FBXL8: variants seen among roughly 807,000 people sequenced by gnomAD.
The protein encoded by FBXL8 is F-box and leucine rich repeat protein 8.
FBXL8 carries 13 observed loss-of-function variants against 8.2 expected under a neutral mutation model. The observed-to-expected ratio is 1.58, with a 90% CI of 1.03 to 2.51. FBXL8 has a LOEUF of 2.51. FBXL8 is among the 30% of genes most tolerant of loss of function. The probability of loss-of-function intolerance (pLI) is 0.00; values close to 1 mark genes in which losing one functional copy is unlikely to be tolerated. For synonymous variants in FBXL8, 271 were observed against 260.5 expected (o/e 1.04, Z -0.39); for missense variants, 565 against 540.4 (o/e 1.05, Z -0.45).
chr16:67,161,575 G>A (rs557338442), intron 1 of FBXL8, 160 bp from the exon 2 acceptor site: 2 of 490,478 alleles, frequency 4.1e-6, no homozygotes, highest in South Asian at 7.6e-5. Flanking sequence ...TAGGTGAGGC[G>A]GTGAAATCTG....
At position 67,163,424 on chromosome 16, in the gene FBXL8, C is replaced by A; in HGVS notation, c.729C>A (p.Val243=). The change falls in exon 3 of 3, where the codon GTC becomes GTA. Residue 243 remains valine, a synonymous_variant. Coordinates refer to ENST00000258200, the MANE Select transcript of FBXL8 (RefSeq NM_018378.3). The part of the protein sequence containing the change: ...RASPLPNEAW[V]ALRRRHPGLA... ...CCCCGCTGCCCAACGAAGCCTGGGT[C>A]GCGTTGCGCCGCCGCCACCCTGGGC... 4 of 1,536,128 alleles carry A rather than the reference C, an allele frequency of 2.6e-6. No individual in the cohort carries two copies. Among genetic ancestry groups the A allele is most frequent in the Admixed American group, 2.0e-5 (1 of 51,184 alleles).
Position 67,163,054 on chromosome 16 carries a change from G to A in FBXL8, c.359G>A (p.Gly120Asp). The A allele has an allele frequency of 6.4e-7, 1 of 1,571,884 alleles. No individual in the cohort carries two copies. Among genetic ancestry groups the A allele is most frequent in the Non-Finnish European group, 8.6e-7 (1 of 1,158,356 alleles). Reference sequence around the variant, plus strand: ...GGAGAAAAACCGCTCTTCGACGCGGGCCGCGACGTCCTGGAGGCTGTGCAC... The same window carrying A: ...GGAGAAAAACCGCTCTTCGACGCGGACCGCGACGTCCTGGAGGCTGTGCAC... ...CRGEKPLFDA[G>D]RDVLEAVHAV... is the part of the protein sequence containing the mutation. Residue 120 changes from glycine to aspartate, a missense_variant, in exon 3 of 3, where the codon GGC becomes GAC. Gly to Asp is a moderately conservative substitution (Grantham distance 94). Transcript: ENST00000258200.
intron 2 of FBXL8, 26 bp downstream of exon 2, chr16:67,161,963 TC>T (rs1237796348): frequency 6.4e-7 from 1 of 1,573,986 alleles, no homozygotes; most frequent in Non-Finnish European, 8.6e-7. Context: ...CACACTCCTC[TC>T]CCCACCGCCC....
In FBXL8 at chr16:67,163,161, C is replaced by A. The variant is rs768895990; in HGVS notation, c.466C>A (p.Gln156Lys). 6.4e-7 allele frequency: 1 copy of A among 1,564,886 alleles called. No homozygotes were observed. The highest frequency in any genetic ancestry group is 2.4e-5 in the East Asian group (1 of 42,058). The change falls in exon 3 of 3, where the codon CAG becomes AAG. Residue 156 changes from glutamine (Q) to lysine (K), a missense_variant. Transcript: ENST00000258200. ...SFTLDDALVL[Q>K]AARSCPELHS... ...CACACTGGACGACGCGCTGGTGCTG[C>A]AGGCGGCGCGCAGCTGTCCCGAGCT... is the stretch of plus-strand genomic sequence containing the variant.
In FBXL8 at chr16:67,163,056, C is replaced by T; in HGVS notation, c.361C>T (p.Arg121Cys). ...AGAAAAACCGCTCTTCGACGCGGGC[C>T]GCGACGTCCTGGAGGCTGTGCACGC... ...RGEKPLFDAG[R>C]DVLEAVHAVC... The change falls in exon 3 of 3, where the codon CGC (arginine) becomes TGC (cysteine). Residue 121 changes from arginine (R) to cysteine (C), a missense_variant. Physicochemically the swap from Arg to Cys is radical, Grantham distance 180. Transcript: ENST00000258200. 6.4e-7 allele frequency: 1 copy of T among 1,572,540 alleles called. No homozygotes were observed. Among genetic ancestry groups the T allele is most frequent in the South Asian group, 1.2e-5 (1 of 86,086 alleles).
chr16:67,162,023 T>A, intron 2 of FBXL8, 86 bp downstream of exon 2: 6 of 1,417,046 alleles, frequency 4.2e-6, no homozygotes, highest in Non-Finnish European at 5.5e-6. Context: ...TCAGGTTGAC[T>A]CCCCCATATT....
chr16:67,162,989 C>T lies in FBXL8; in HGVS notation c.294C>T (p.Gly98=). 1 of 1,557,370 alleles carries T rather than the reference C, an allele frequency of 6.4e-7. No homozygotes were observed. Among genetic ancestry groups the T allele is most frequent in the East Asian group, 2.4e-5 (1 of 41,352 alleles). The change falls in exon 3 of 3, where the codon GGC becomes GGT. Residue 98 remains glycine, a synonymous_variant. Coordinates refer to ENST00000258200, the MANE Select transcript of FBXL8 (RefSeq NM_018378.3). ...AAIELLMVLA[G]RAPGLRGLRL... is the part of the protein sequence containing the mutation. ...TCGAGCTGCTGATGGTTCTGGCGGG[C>T]CGTGCCCCGGGGCTGCGAGGCCTGC...
Position 67,163,371 on chromosome 16 carries a change from T to TGCGCGTGCCCCGAAGATGCAC in FBXL8, c.683_703dup (p.Cys228_Ala234dup). On this transcript the variant is annotated inframe_insertion, in exon 3 of 3. Coordinates refer to ENST00000258200, the MANE Select transcript of FBXL8 (RefSeq NM_018378.3). ...GCCTTTCGCGCTCTTGGCTCTGCGG[T>TGCGCGTGCCCCGAAGATGCAC]GCGCGTGCCCCGAAGATGCACGCGC... The TGCGCGTGCCCCGAAGATGCAC allele has an allele frequency of 1.9e-6, 3 of 1,545,286 alleles. No individual in the cohort carries two copies. Among genetic ancestry groups the TGCGCGTGCCCCGAAGATGCAC allele is most frequent in the Non-Finnish European group, 2.6e-6 (3 of 1,150,566 alleles).
intron 1 of FBXL8, chr16:67,160,401 C>T (rs1348848581): frequency 6.6e-6 from 1 of 152,264 alleles, no homozygotes; most frequent in East Asian, 1.9e-4. Context: ...TGTACACAAA[C>T]CTTTAAGAAC....
chr16:67,163,913 C>A lies in FBXL8; in HGVS notation c.*93C>A. ...GGCGCGCCCCGAGTGCTAGTGCCTT[C>A]TTTTGGGATTGTTGCCCCCCGGGTC... On this transcript the variant is annotated 3_prime_UTR_variant, in exon 3 of 3. Transcript: ENST00000258200. 3 of 1,514,426 alleles carry A rather than the reference C, an allele frequency of 2.0e-6. No homozygotes were observed. The highest frequency in any genetic ancestry group is 1.8e-6 in the Non-Finnish European group (2 of 1,130,158). The allele number at this position is 1,514,426 out of a possible 1,614,324, so 93.8% of individuals were successfully genotyped here.
intron 2 of FBXL8, 71 bp from the exon 3 acceptor site, chr16:67,162,777 G>T: frequency 1.9e-6 from 3 of 1,545,522 alleles, no homozygotes; most frequent in African/African-American, 1.4e-5. Context: ...CCCAGCTAAG[G>T]GGTGGGTAGA....
chr16:67,161,313 T>TG (rs1410593624), intron 1 of FBXL8: 1 of 158,680 alleles, frequency 6.3e-6, no homozygotes, highest in African/African-American at 2.4e-5. Context: ...CGTGGTGGCG[T>TG]GCCCCTGTAG....
rs372103875 is a variant in FBXL8 at position 67,161,751 on chromosome 16, G to A, written c.-35G>A. 5.8e-6 allele frequency: 9 copies of A among 1,547,486 alleles called. No individual in the cohort carries two copies. The highest frequency in any genetic ancestry group is 1.9e-4 in the Middle Eastern group (1 of 5,220). On this transcript the variant is annotated 5_prime_UTR_variant, in exon 2 of 3. The change creates a new upstream start codon in the 5' untranslated region. Coordinates refer to ENST00000258200, the MANE Select transcript of FBXL8 (RefSeq NM_018378.3). ...TCTCTCCAGGCCGGAGCTATTGGGAGTGGCGGATCCTCCCACCCCAGCCGG... is the reference window on the plus strand; with the variant it reads ...TCTCTCCAGGCCGGAGCTATTGGGAATGGCGGATCCTCCCACCCCAGCCGG...
chr16:67,162,717 C>A, intron 2 of FBXL8, 131 bp from the exon 3 acceptor site: 1 of 1,293,082 alleles, frequency 7.7e-7, no homozygotes, highest in Non-Finnish European at 1.1e-6. Flanking sequence ...CAGTCGTGGT[C>A]TGAACAGAGA....
intron 1 of FBXL8, among the ~76,000 whole-genome samples, chr16:67,160,662 G>A (rs940517338): frequency 6.6e-6 from 1 of 152,196 alleles, no homozygotes; most frequent in African/African-American, 2.4e-5. Flanking sequence ...AGTGAGCCGA[G>A]ATCTCGCCAC....
At chr16:67,160,373 G>A (rs2030858854) in intron 1 of FBXL8, 1 of 152,250 alleles carries the variant, frequency 6.6e-6, no homozygotes, top group South Asian at 2.1e-4. Flanking sequence ...ATTAACTGGC[G>A]AGTAGTGTGA....
At chr16:67,160,549 A>G (rs1343745517) in intron 1 of FBXL8, among the ~76,000 whole-genome samples, 1 of 152,136 alleles carries the variant, frequency 6.6e-6, no homozygotes, top group Non-Finnish European at 1.5e-5. Context: ...CGTCTCTACT[A>G]AAAATACAAA....
Position 67,161,873 on chromosome 16 carries a change from A to T in FBXL8, c.88A>T (p.Arg30Trp). 3 of 1,610,864 alleles carry T rather than the reference A, an allele frequency of 1.9e-6. No individual in the cohort carries two copies. The South Asian group carries it at 3.3e-5, about 18-fold the overall frequency. Residue 30 changes from arginine to tryptophan, a missense_variant, in exon 2 of 3, where the codon AGG becomes TGG. By Grantham distance (101) the Arg-to-Trp change is moderately radical. Coordinates refer to ENST00000258200, the MANE Select transcript of FBXL8 (RefSeq NM_018378.3). Reference sequence around the variant, plus strand: ...CCTGAGAGACCGTGCTGCCGCCGCCAGGGTCTGCAGGGCCTGGGCCGCCGC... The same window carrying T: ...CCTGAGAGACCGTGCTGCCGCCGCCTGGGTCTGCAGGGCCTGGGCCGCCGC... ...LSLRDRAAAA[R>W]VCRAWAAAAT...
Position 67,160,046 on chromosome 16 carries a change from C to G in FBXL8, c.-62C>G, listed in dbSNP as rs1043868254. ...CTGCCCCGGGCAAAGCCCATCTGGT[C>G]CGCCGAGCAGGTAAGACACCAGCGC... On this transcript the variant is annotated 5_prime_UTR_variant, in exon 1 of 3. Transcript: ENST00000258200. 1.3e-5 allele frequency: 2 copies of G among 152,260 alleles called. No individual in the cohort carries two copies. Among genetic ancestry groups the G allele is most frequent in the Admixed American group, 1.3e-4 (2 of 15,290 alleles). The allele number at this position is 152,260 out of a possible 1,614,324, so 9.4% of individuals were successfully genotyped here. A position where few individuals can be genotyped will look rare whatever the true frequency, so the allele number is the denominator to read the frequency against.
Sources: gnomAD v4.1 joint callset for allele counts (sites outside exome capture counted in the v4.1 genomes callset) on GRCh38, gnomAD v4.1.1 for gene constraint, MANE v1.5 for transcripts, NCBI Gene and HGNC (gene_info 2026-07-23, HGNC 2026-07-21) for gene names.